ERC1: variants seen among roughly 807,000 people sequenced by gnomAD.
The protein encoded by ERC1 is ELKS/RAB6-interacting/CAST family member 1.
A neutral mutation model predicts 132.0 loss-of-function variants in ERC1; 56 were observed. The observed-to-expected ratio is 0.42, with a 90% CI of 0.34 to 0.53. ERC1 has a LOEUF of 0.53. Among genes scored for constraint, ERC1 ranks in the 20% least tolerant of loss-of-function variants. ERC1 has a pLI of 0.03. For missense variants in ERC1, 1,202 were observed against 1,349.9 expected (o/e 0.89, Z 1.72); for synonymous variants, 478 against 476.1 (o/e 1.00, Z -0.05).
intron 16 of ERC1, among the ~76,000 whole-genome samples, chr12:1,403,921 G>T (rs775480316): frequency 6.6e-6 from 1 of 152,040 alleles, no homozygotes; most frequent in East Asian, 1.9e-4. Context: ...CAGATGTTTC[G>T]CTCACTTTCT....
intron 12 of ERC1, among the ~76,000 whole-genome samples, chr12:1,215,699 T>G (rs530911171): frequency 6.6e-6 from 1 of 152,080 alleles, no homozygotes; most frequent in Non-Finnish European, 1.5e-5. Context: ...GCAGAATGAG[T>G]GCATGTATGC....
At chr12:1,296,041 CT>C (rs2079906452) in intron 15 of ERC1, among the ~76,000 whole-genome samples, 1 of 150,140 alleles carries the variant, frequency 6.7e-6, no homozygotes, top group African/African-American at 2.4e-5. Context: ...TAAATTCACC[CT>C]TATACATTAA....
chr12:1,075,121 C>T (rs1941117963), intron 2 of ERC1, among the ~76,000 whole-genome samples: 1 of 151,970 alleles, frequency 6.6e-6, no homozygotes, highest in Admixed American at 6.6e-5. Flanking sequence ...CTTCCCCTGT[C>T]TCATTCTCTG....
At chr12:1,149,181 C>CT (rs1427939835) in intron 8 of ERC1, among the ~76,000 whole-genome samples, 1 of 151,830 alleles carries the variant, frequency 6.6e-6, no homozygotes, top group Non-Finnish European at 1.5e-5. Context: ...TTAAAGTAAT[C>CT]TTTTTTTCTT....
chr12:1,256,712 G>C (rs951582085), intron 13 of ERC1, among the ~76,000 whole-genome samples: 3 of 150,728 alleles, frequency 2.0e-5, no homozygotes, highest in Admixed American at 6.6e-5. Context: ...TGCATATCTT[G>C]CTGGTTTCAC....
chr12:1,454,862 A>G (rs187270050), intron 18 of ERC1, among the ~76,000 whole-genome samples: 10 of 152,194 alleles, frequency 6.6e-5, no homozygotes, highest in Non-Finnish European at 1.2e-4. Context: ...CTGTCAGTTC[A>G]TTATTACTTA....
chr12:1,460,473 C>T (rs1000882256), intron 18 of ERC1, among the ~76,000 whole-genome samples: 1 of 152,124 alleles, frequency 6.6e-6, no homozygotes, highest in African/African-American at 2.4e-5. Flanking sequence ...CATCGCTGCA[C>T]CATTACAAGA....
At chr12:1,264,037 A>C (rs929564779) in intron 14 of ERC1, among the ~76,000 whole-genome samples, 4 of 152,150 alleles carry the variant, frequency 2.6e-5, no homozygotes, top group African/African-American at 9.7e-5. Context: ...GTTAATTTCA[A>C]ATAGCTAATA....
intron 13 of ERC1, chr12:1,244,549 T>G (rs1473543329): frequency 2.2e-6 from 1 of 452,428 alleles, no homozygotes. Context: ...TAAGACAGGG[T>G]CTTGCTCTAT....
At chr12:1,198,941 G>A (rs59680312) in intron 12 of ERC1, among the ~76,000 whole-genome samples, 1,866 of 112,238 alleles carry the variant, frequency 0.017, 49 homozygotes, top group African/African-American at 0.057. Flanking sequence ...GGGGATCACA[G>A]TTCAACATGA....
At chr12:1,029,296 G>A (rs1267348853) in intron 2 of ERC1, among the ~76,000 whole-genome samples, 3 of 152,088 alleles carry the variant, frequency 2.0e-5, no homozygotes, top group African/African-American at 7.2e-5. Context: ...AGGTTGCAGT[G>A]AGCTGAGATC....
Position 1,104,830 on chromosome 12 carries a change from T to C in ERC1, c.1161+6T>C. The stretch of plus-strand genomic sequence containing the variant: ...AAACTGTTATTGAGATGAAGGTAAG[T>C]GAGAATCTAGTAAAGAATCTTATGA... On this transcript the variant is annotated splice_donor_region_variant and intron_variant, in intron 4 of 18. Transcript: ENST00000360905. 1 of 1,597,190 alleles carries C rather than the reference T, an allele frequency of 6.3e-7. No individual in the cohort carries two copies.
intron 12 of ERC1, among the ~76,000 whole-genome samples, chr12:1,235,954 C>T (rs2075383595): frequency 6.6e-6 from 1 of 152,114 alleles, no homozygotes; most frequent in South Asian, 2.1e-4. Flanking sequence ...TATATTATTT[C>T]ATACCTCAGT....
chr12:1,270,987 T>C (rs923705665), intron 14 of ERC1, among the ~76,000 whole-genome samples: 2 of 152,184 alleles, frequency 1.3e-5, no homozygotes, highest in African/African-American at 2.4e-5. Flanking sequence ...TTGTATTTTA[T>C]TGGATACTTC....
intron 12 of ERC1, among the ~76,000 whole-genome samples, chr12:1,195,712 C>G (rs1381712791): frequency 6.6e-6 from 1 of 152,140 alleles, no homozygotes; most frequent in Non-Finnish European, 1.5e-5. Context: ...AAAACCTCAG[C>G]AAAGCAGAGT....
At chr12:1,394,863 T>G (rs1301253243) in intron 16 of ERC1, among the ~76,000 whole-genome samples, 1 of 152,226 alleles carries the variant, frequency 6.6e-6, no homozygotes, top group Non-Finnish European at 1.5e-5. Context: ...AGCAGACTAA[T>G]ACACTCAGCC....
intron 15 of ERC1, among the ~76,000 whole-genome samples, chr12:1,340,369 A>T (rs930052860): frequency 2.6e-5 from 4 of 152,090 alleles, no homozygotes; most frequent in Non-Finnish European, 5.9e-5. Flanking sequence ...TTCCCTAGCC[A>T]TGCTCCACTA....
At chr12:1,292,687 G>C (rs1458592741) in intron 15 of ERC1, among the ~76,000 whole-genome samples, 4 of 152,196 alleles carry the variant, frequency 2.6e-5, no homozygotes, top group African/African-American at 9.7e-5. Flanking sequence ...ACTGTTAGGA[G>C]AGAAAAGTAG....
chr12:1,128,474 A>G (rs554251311), intron 7 of ERC1, among the ~76,000 whole-genome samples: 3 of 152,190 alleles, frequency 2.0e-5, no homozygotes, highest in African/African-American at 7.2e-5. Flanking sequence ...GACTCAAGTG[A>G]TCCTCCCAAC....
Sources: allele counts gnomAD v4.1 joint callset (sites outside exome capture counted in the v4.1 genomes callset), GRCh38; gene constraint gnomAD v4.1.1; transcripts MANE v1.5; gene names NCBI Gene and HGNC (gene_info 2026-07-23, HGNC 2026-07-21).